ING5: variants seen among roughly 807,000 people sequenced by gnomAD.
ING5 encodes inhibitor of growth family member 5, also known as inhibitor of growth protein 5.
A neutral mutation model predicts 37.4 loss-of-function variants in ING5; 17 were observed. The observed-to-expected ratio is 0.45, with a 90% CI of 0.31 to 0.68. The LOEUF is 0.68. ING5 is among the 30% of genes least tolerant of loss of function. The pLI, the probability that ING5 is intolerant of heterozygous loss-of-function variation, is 0.05. For missense variants in ING5, 233 were observed against 311.9 expected (o/e 0.75, Z 1.91); for synonymous variants, 123 against 116.6 (o/e 1.06, Z -0.36).
At chr2:241,723,382 A>G (rs2070476213) in intron 7 of ING5, 111 bp downstream of exon 7, 16 of 1,162,344 alleles carry the variant, frequency 1.4e-5, no homozygotes, top group Non-Finnish European at 2.1e-5. Flanking sequence ...TTAGCGGGAC[A>G]CGGTAGCCAC....
At chr2:241,702,632 G>C (rs2069779116) in intron 1 of ING5, among the ~76,000 whole-genome samples, 1 of 152,188 alleles carries the variant, frequency 6.6e-6, no homozygotes, top group African/African-American at 2.4e-5. Context: ...GTCTCTCCCC[G>C]GCACTGGGGA....
intron 5 of ING5, chr2:241,721,628 C>T: frequency 1.0e-6 from 1 of 985,406 alleles, no homozygotes; most frequent in Non-Finnish European, 1.2e-6. Context: ...TTTCTCACGG[C>T]CACGTTCCTC....
chr2:241,691,564 G>A (rs2069556142), intron 2 of ING5, among the ~76,000 whole-genome samples: 1 of 152,186 alleles, frequency 6.6e-6, no homozygotes, highest in Admixed American at 6.6e-5. Context: ...GTGGGCTGGG[G>A]CTGTCACGAC....
chr2:241,723,290 GCT>G lies in ING5; in HGVS notation c.680+22_680+23del, dbSNP rs1559314756. 1.2e-6 allele frequency: 2 copies of G among 1,612,296 alleles called. No individual in the cohort carries two copies. The highest frequency in any genetic ancestry group is 1.7e-6 in the Non-Finnish European group (2 of 1,178,262). On this transcript the variant is annotated intron_variant, in intron 7 of 7. Coordinates refer to ENST00000313552, the MANE Select transcript of ING5 (RefSeq NM_032329.6). Reference sequence around the variant, plus strand: ...GAAAATGGTGAGTGTGGGGACGCTCGCTCTGTTTTCTCCCAGTCTGCTGGGTG... The same window carrying G: ...GAAAATGGTGAGTGTGGGGACGCTCGCTGTTTTCTCCCAGTCTGCTGGGTG...
intron 1 of ING5, among the ~76,000 whole-genome samples, chr2:241,702,651 C>T (rs1466292804): frequency 6.6e-6 from 1 of 152,138 alleles, no homozygotes; most frequent in African/African-American, 2.4e-5. Flanking sequence ...GACTGCGGCG[C>T]GGAGGCGGGG....
chr2:241,714,634 G>A (rs373218178), intron 5 of ING5, among the ~76,000 whole-genome samples: 2 of 149,462 alleles, frequency 1.3e-5, no homozygotes, highest in Admixed American at 1.3e-4. Context: ...GTCTAGCTGT[G>A]TCACCTAGGC....
intron 2 of ING5, among the ~76,000 whole-genome samples, chr2:241,706,807 G>T (rs191556454): frequency 6.6e-6 from 1 of 151,922 alleles, no homozygotes; most frequent in South Asian, 2.1e-4. Flanking sequence ...TAGCTTCCAC[G>T]TTGCTGCAGA....
intron 5 of ING5, chr2:241,712,456 G>A (rs2070140255): frequency 5.7e-6 from 1 of 176,300 alleles, no homozygotes; most frequent in Non-Finnish European, 1.2e-5. Flanking sequence ...CTAGATTTCT[G>A]TATATCTGTC....
Position 241,729,218 on chromosome 2 carries a change from T to C in ING5, c.*4187T>C, listed in dbSNP as rs1691732039. 1 of 152,650 alleles carries C rather than the reference T, an allele frequency of 6.6e-6. No individual in the cohort carries two copies. The highest frequency in any genetic ancestry group is 1.5e-5 in the Non-Finnish European group (1 of 68,036). 9.5% of individuals were successfully genotyped at this position (152,650 alleles called of 1,614,324 possible). On this transcript the variant is annotated 3_prime_UTR_variant, in exon 8 of 8. Coordinates refer to ENST00000313552, the MANE Select transcript of ING5 (RefSeq NM_032329.6). ...GAAAATGTTCCCATTCAGGAGAGAT[T>C]GTGTTGGAGTTTCTTTCTTCCTCTG...
At chr2:241,719,706 G>A in intron 5 of ING5, 1 of 1,502,612 alleles carries the variant, frequency 6.7e-7, no homozygotes, top group Admixed American at 2.2e-5. Flanking sequence ...CCTCCCTGAG[G>A]GCTCTGCCCA....
At chr2:241,698,082 C>CAAAAA (rs138451940), upstream of ING5, among the ~76,000 whole-genome samples, 5 of 84,612 alleles carry the variant, frequency 5.9e-5, no homozygotes, top group African/African-American at 1.5e-4. Context: ...GGCTCCATCT[C>CAAAAA]AAAAAAAAAA....
upstream of ING5, among the ~76,000 whole-genome samples, chr2:241,700,221 A>C (rs943095352): frequency 1.4e-5 from 2 of 142,168 alleles, no homozygotes; most frequent in African/African-American, 2.7e-5. Context: ...CAATGGCACG[A>C]TCTCGGCTCA....
chr2:241,719,100 G>A (rs35249316), intron 5 of ING5, among the ~76,000 whole-genome samples: 103,140 of 152,060 alleles, frequency 0.68, 35,982 homozygotes, highest in African/African-American at 0.84. Context: ...GGACCTTGAG[G>A]TTTCCTCTCT....
In ING5 at chr2:241,706,956, A is replaced by ATT. The variant is rs35471600; in HGVS notation, c.110-2241_110-2240dup. On this transcript the variant is annotated intron_variant, in intron 2 of 7. Transcript: ENST00000313552. ...CATGATAATGTGTTTTGGTGTGGCA[A>ATT]TTTTTTTTTTTTTTTTTTTTGAGAT... is the stretch of plus-strand genomic sequence containing the variant. Among the ~76,000 whole-genome samples the ATT allele has an allele frequency of 9.4e-3, 1,140 of 120,722 alleles. 33 individuals carry two copies. Among genetic ancestry groups the ATT allele is most frequent in the Non-Finnish European group, 0.013 (769 of 59,904 alleles). The allele number at this position is 120,722 out of a possible 152,430, so 79.2% of individuals were successfully genotyped here. A position where few individuals can be genotyped will look rare whatever the true frequency, so the allele number is the denominator to read the frequency against.
chr2:241,714,254 G>A (rs757459063), intron 5 of ING5, among the ~76,000 whole-genome samples: 6 of 152,096 alleles, frequency 3.9e-5, no homozygotes, highest in Admixed American at 6.6e-5. Flanking sequence ...TGCATTCCTA[G>A]ACACTATACA....
At chr2:241,722,001 C>T (rs1336322552) in intron 5 of ING5, 2 of 985,186 alleles carry the variant, frequency 2.0e-6, no homozygotes, top group African/African-American at 1.7e-5. Context: ...CGGAAGGGGC[C>T]CTGTGCCAGG....
intron 2 of ING5, chr2:241,708,961 G>A (rs1280401700): frequency 8.7e-6 from 3 of 343,296 alleles, no homozygotes; most frequent in Non-Finnish European, 1.6e-5. Context: ...AGAAGGCACT[G>A]TGACCACTTG....
chr2:241,701,604 T>G (rs1405202476), upstream of ING5, among the ~76,000 whole-genome samples: 1 of 151,654 alleles, frequency 6.6e-6, no homozygotes, highest in African/African-American at 2.4e-5. Flanking sequence ...GCCAGACAGG[T>G]CCCAAGGAGC....
At chr2:241,698,580 A>G (rs2124862054), upstream of ING5, among the ~76,000 whole-genome samples, 1 of 152,016 alleles carries the variant, frequency 6.6e-6, no homozygotes, top group South Asian at 2.1e-4. Flanking sequence ...CAACTTTTCA[A>G]TAAACCTAAA....
Sources: allele counts gnomAD v4.1 joint callset (sites outside exome capture counted in the v4.1 genomes callset), GRCh38; gene constraint gnomAD v4.1.1; transcripts MANE v1.5; gene names NCBI Gene and HGNC (gene_info 2026-07-23, HGNC 2026-07-21).